The following NRXN1 variants were observed in gnomAD, a reference collection of about 807,000 sequenced individuals.
NRXN1 encodes the protein neurexin 1, also known as neurexin-1.
In NRXN1, 39 loss-of-function variants were observed where a neutral mutation model predicts 150.9. The observed-to-expected ratio is 0.26, with a 90% confidence interval of 0.20 to 0.34. NRXN1 has a LOEUF of 0.34. Ranked by LOEUF, NRXN1 falls within the 10% of genes least tolerant of loss-of-function variation. The probability of loss-of-function intolerance (pLI) is 1.00; values close to 1 mark genes in which losing one functional copy is unlikely to be tolerated. For missense variants in NRXN1, 1,815 were observed against 1,949.9 expected, an observed-to-expected ratio of 0.93 and a Z score of 1.30; for synonymous variants, 924 against 757.0, an observed-to-expected ratio of 1.22 and a Z score of -3.62.
chr2:50,239,375 C>T (rs571649211), intron 17 of NRXN1, among the ~76,000 whole-genome samples: 2 of 150,930 alleles, frequency 1.3e-5, no homozygotes, highest in East Asian at 3.9e-4. Flanking sequence ...ACTAGAGATG[C>T]TATTTAATGA....
At chr2:50,663,153 A>T (rs984824582) in intron 5 of NRXN1, among the ~76,000 whole-genome samples, 3 of 152,008 alleles carry the variant, frequency 2.0e-5, no homozygotes, top group Non-Finnish European at 2.9e-5. Context: ...GTGCTCTTTG[A>T]CTTAAACCGT....
In NRXN1 at chr2:50,216,024, G is replaced by C. The variant is rs183257696; in HGVS notation, c.3546+20765C>G. On this transcript the variant is annotated intron_variant, in intron 18 of 22. Transcript: ENST00000401669. ...TATAAGTAGATAAAGAATGGAGGGA[G>C]TGAAGCAAAGAAAAGATGGTGTCAG... Among the ~76,000 whole-genome samples, 112 of 152,128 alleles carry C rather than the reference G, an allele frequency of 7.4e-4. 1 individual carries two copies. The highest frequency in any genetic ancestry group is 2.6e-3 in the African/African-American group (110 of 41,548).
At chr2:49,938,178 T>G (rs1249611412) in intron 22 of NRXN1, among the ~76,000 whole-genome samples, 1 of 152,198 alleles carries the variant, frequency 6.6e-6, no homozygotes, top group Non-Finnish European at 1.5e-5. Context: ...TCCAAGAAAC[T>G]ATAAGCCCAC....
At chr2:50,989,372 G>A (rs934799177) in intron 2 of NRXN1, among the ~76,000 whole-genome samples, 1 of 151,868 alleles carries the variant, frequency 6.6e-6, no homozygotes, top group Admixed American at 6.6e-5. Context: ...TTATAAGTGG[G>A]TAATTATATG....
At chr2:50,582,573 G>A (rs1429992650) in intron 8 of NRXN1, among the ~76,000 whole-genome samples, 1 of 144,430 alleles carries the variant, frequency 6.9e-6, no homozygotes, top group South Asian at 2.2e-4. Flanking sequence ...AAACAACTAC[G>A]AACAGAGACA....
intron 2 of NRXN1, among the ~76,000 whole-genome samples, chr2:51,021,775 G>T (rs1374169339): frequency 1.3e-5 from 2 of 151,838 alleles, no homozygotes; most frequent in African/African-American, 2.4e-5. Context: ...GATAGACAAT[G>T]TACTATAAAC....
At chr2:49,963,066 T>A (rs1676282797) in intron 21 of NRXN1, among the ~76,000 whole-genome samples, 1 of 152,090 alleles carries the variant, frequency 6.6e-6, no homozygotes, top group Non-Finnish European at 1.5e-5. Flanking sequence ...AATATCCATA[T>A]TTATATCCCG....
intron 2 of NRXN1, among the ~76,000 whole-genome samples, chr2:50,950,256 C>T (rs1310326141): frequency 6.6e-6 from 1 of 151,820 alleles, no homozygotes; most frequent in Non-Finnish European, 1.5e-5. Flanking sequence ...GAAAACTATA[C>T]AGAAGGGAAA....
chr2:50,297,096 G>T (rs1010032875), intron 17 of NRXN1, among the ~76,000 whole-genome samples: 2 of 151,680 alleles, frequency 1.3e-5, no homozygotes, highest in African/African-American at 4.8e-5. Flanking sequence ...TCACCATAAT[G>T]GTCAGGCTGG....
At chr2:50,921,910 G>C (rs930453632) in intron 4 of NRXN1, 30 bp from the exon 5 acceptor site, 3 of 1,376,666 alleles carry the variant, frequency 2.2e-6, no homozygotes, top group Non-Finnish European at 1.9e-6. Flanking sequence ...GGTCCATGAA[G>C]AAAGGGTTTC....
At chr2:50,111,036 T>C (rs1159930462) in intron 18 of NRXN1, among the ~76,000 whole-genome samples, 1 of 152,202 alleles carries the variant, frequency 6.6e-6, no homozygotes, top group Non-Finnish European at 1.5e-5. Flanking sequence ...AAGGTGCAAA[T>C]GGGTTCATTT....
chr2:50,221,487 T>C (rs749493207), intron 18 of NRXN1, among the ~76,000 whole-genome samples: 3 of 152,038 alleles, frequency 2.0e-5, no homozygotes, highest in African/African-American at 7.2e-5. Flanking sequence ...TTCAAGACTA[T>C]AGCACCTTTA....
At chr2:50,900,145 C>G (rs1682694577) in intron 5 of NRXN1, among the ~76,000 whole-genome samples, 1 of 152,168 alleles carries the variant, frequency 6.6e-6, no homozygotes, top group African/African-American at 2.4e-5. Context: ...CTCCCCATGG[C>G]TACTCACAAG....
intron 18 of NRXN1, among the ~76,000 whole-genome samples, chr2:50,092,169 C>T (rs181410649): frequency 6.6e-6 from 1 of 152,252 alleles, no homozygotes; most frequent in Non-Finnish European, 1.5e-5. Flanking sequence ...TATATCTAAG[C>T]TAAGTTGAAG....
intron 18 of NRXN1, among the ~76,000 whole-genome samples, chr2:50,147,274 A>C (rs925599434): frequency 4.0e-5 from 6 of 151,772 alleles, no homozygotes; most frequent in Non-Finnish European, 7.4e-5. Context: ...GATTCCTAGG[A>C]AAAGCTAATT....
intron 13 of NRXN1, among the ~76,000 whole-genome samples, chr2:50,504,342 T>G (rs1022433418): frequency 1.3e-5 from 2 of 152,092 alleles, no homozygotes; most frequent in Non-Finnish European, 2.9e-5. Context: ...ATTCCCATTT[T>G]TAAAAAATAC....
At chr2:50,527,796 G>A (rs1447044247) in intron 12 of NRXN1, among the ~76,000 whole-genome samples, 2 of 152,082 alleles carry the variant, frequency 1.3e-5, no homozygotes, top group Non-Finnish European at 2.9e-5. Flanking sequence ...ATTCTTTACT[G>A]TGACAGTGAG....
intron 9 of NRXN1, among the ~76,000 whole-genome samples, chr2:50,541,855 A>G (rs934952467): frequency 2.7e-4 from 41 of 152,352 alleles, no homozygotes; most frequent in African/African-American, 8.9e-4. Context: ...AGCACCAGCT[A>G]AAATGTTGTA....
At chr2:50,199,569 T>C (rs73930305) in intron 18 of NRXN1, among the ~76,000 whole-genome samples, 33,653 of 143,966 alleles carry the variant, frequency 0.23, 4,406 homozygotes, top group East Asian at 0.41. Context: ...CACACACACA[T>C]GCACACTGAC....
Sources: gnomAD v4.1 joint callset for allele counts (sites outside exome capture counted in the v4.1 genomes callset) on GRCh38, gnomAD v4.1.1 for gene constraint, MANE v1.5 for transcripts, NCBI Gene and HGNC (gene_info 2026-07-23, HGNC 2026-07-21) for gene names.